DTNB: variants seen among roughly 807,000 people sequenced by gnomAD.
DTNB encodes the protein dystrobrevin beta, also known as DTN-B.
Under a neutral mutation model 90.7 loss-of-function variants are expected in DTNB, and 63 were observed. The ratio of observed to expected loss-of-function variants is 0.69; its 90% CI spans 0.57 to 0.86. The LOEUF is 0.86. Among genes scored for constraint, DTNB ranks in the 40% least tolerant of loss-of-function variants. The pLI is 0.00. For missense variants in DTNB, 744 were observed against 807.1 expected, an observed-to-expected ratio of 0.92 and a Z score of 0.95; for synonymous variants, 277 against 286.7, an observed-to-expected ratio of 0.97 and a Z score of 0.34.
At chr2:25,650,331 T>C in intron 2 of DTNB, 1 of 711,778 alleles carries the variant, frequency 1.4e-6, no homozygotes, top group Non-Finnish European at 1.7e-6. Flanking sequence ...GCACCCAGAA[T>C]AGTGCCTGGA....
chr2:25,447,663 C>G lies in DTNB; in HGVS notation c.1257+3885G>C, dbSNP rs547091156. On this transcript the variant is annotated intron_variant, in intron 12 of 20. Transcript: ENST00000406818. Reference sequence around the variant, plus strand: ...GGGATTACAGGCGTATGCCACCACACCTGGCTAATTTTTTTTTGTATTTTT... The same window carrying G: ...GGGATTACAGGCGTATGCCACCACAGCTGGCTAATTTTTTTTTGTATTTTT... Among the ~76,000 whole-genome samples the G allele has an allele frequency of 1.2e-4, 19 of 152,054 alleles. No homozygotes were observed. The South Asian group carries it at 3.9e-3, about 32-fold the overall frequency.
chr2:25,578,826 G>A (rs138040469), intron 7 of DTNB, among the ~76,000 whole-genome samples: 2 of 152,132 alleles, frequency 1.3e-5, no homozygotes, highest in East Asian at 1.9e-4. Flanking sequence ...CTTATGCATA[G>A]TAATGTCAAT....
chr2:25,527,841 C>A (rs1445742206), intron 9 of DTNB, among the ~76,000 whole-genome samples: 2 of 152,046 alleles, frequency 1.3e-5, no homozygotes, highest in African/African-American at 4.8e-5. Context: ...AGAAAATAAC[C>A]CTTCCAAATC....
chr2:25,648,902 C>T (rs1294252492), intron 2 of DTNB, among the ~76,000 whole-genome samples: 1 of 151,370 alleles, frequency 6.6e-6, no homozygotes, highest in African/African-American at 2.4e-5. Context: ...CCAATCATCA[C>T]TCTTAACAGT....
chr2:25,669,548 C>A (rs1302785148), intron 1 of DTNB, among the ~76,000 whole-genome samples: 2 of 152,134 alleles, frequency 1.3e-5, no homozygotes, highest in African/African-American at 2.4e-5. Flanking sequence ...ATGGTATATA[C>A]AACCAAATAC....
chr2:25,583,261 A>AT (rs2061828963), intron 6 of DTNB, among the ~76,000 whole-genome samples: 65 of 143,654 alleles, frequency 4.5e-4, no homozygotes, highest in African/African-American at 1.3e-3. Context: ...AAAAAAAAAA[A>AT]AATATATATA....
intron 6 of DTNB, among the ~76,000 whole-genome samples, chr2:25,591,693 T>C (rs1181939594): frequency 2.0e-5 from 3 of 152,066 alleles, no homozygotes; most frequent in Non-Finnish European, 4.4e-5. Flanking sequence ...ATAATCACAA[T>C]CACAAATTTG....
chr2:25,395,397 TAA>T (rs1165879264), intron 16 of DTNB, among the ~76,000 whole-genome samples: 2 of 151,892 alleles, frequency 1.3e-5, no homozygotes, highest in African/African-American at 4.8e-5. Flanking sequence ...TTAAAAAATT[TAA>T]AAGTTTATGT....
intron 16 of DTNB, among the ~76,000 whole-genome samples, chr2:25,392,136 C>T (rs1377124173): frequency 2.0e-5 from 3 of 152,112 alleles, no homozygotes; most frequent in South Asian, 2.1e-4. Context: ...AGGCCAGGCA[C>T]GGTGGCTCAC....
In DTNB at chr2:25,387,887, C is replaced by T. The variant is rs1220841626; in HGVS notation, c.1735+315G>A. On this transcript the variant is annotated intron_variant, in intron 17 of 20. Transcript: ENST00000406818. This position sits in a 1 kb window ranked among gnomAD's most constrained non-coding sequence, Gnocchi z 4.5. ...GTGCCTGTTACAGTCCCTTCTAGGC[C>T]AGGGAATTATTCCATCCAATTCCTC... Among the ~76,000 whole-genome samples, 1 of 152,254 alleles carries T rather than the reference C, an allele frequency of 6.6e-6. No homozygotes were observed. Among genetic ancestry groups the T allele is most frequent in the Non-Finnish European group, 1.5e-5 (1 of 68,040 alleles).
chr2:25,383,879 A>T lies in DTNB; in HGVS notation c.1836T>A (p.Gly612=), dbSNP rs1373817001. The change falls in exon 19 of 21, where the codon GGT becomes GGA. Residue 612 remains glycine (G), a synonymous_variant. Transcript: ENST00000406818. ...GCATCTTCTCTTCTTCTTCCTCTGC[A>T]CCTTCCTCTGCTGTGAAAACAAGTC... ...LVKELHSAEE[G]AEEEEEKMQN... is the part of the protein sequence containing the mutation. 1 of 1,613,910 alleles carries T rather than the reference A, an allele frequency of 6.2e-7. No homozygotes were observed. Among genetic ancestry groups the T allele is most frequent in the Non-Finnish European group, 8.5e-7 (1 of 1,179,878 alleles).
At chr2:25,553,005 C>T (rs1257112857) in intron 8 of DTNB, among the ~76,000 whole-genome samples, 3 of 150,904 alleles carry the variant, frequency 2.0e-5, no homozygotes, top group Non-Finnish European at 3.0e-5. Context: ...GGACTACAGG[C>T]GCCCGCCACC....
At chr2:25,544,013 C>T (rs1238765129) in intron 8 of DTNB, among the ~76,000 whole-genome samples, 1 of 152,176 alleles carries the variant, frequency 6.6e-6, no homozygotes, top group Non-Finnish European at 1.5e-5. Context: ...AGCCCCTCAA[C>T]AGGTAAAATT....
At chr2:25,522,701 CTTT>C (rs201567111) in intron 9 of DTNB, among the ~76,000 whole-genome samples, 5 of 133,446 alleles carry the variant, frequency 3.7e-5, no homozygotes, top group Admixed American at 1.5e-4. Context: ...AAACTGAGGT[CTTT>C]TTTTTTTTTT....
At chr2:25,517,884 G>A (rs1221703822) in intron 9 of DTNB, among the ~76,000 whole-genome samples, 1 of 152,108 alleles carries the variant, frequency 6.6e-6, no homozygotes, top group Non-Finnish European at 1.5e-5. Flanking sequence ...AGAAAGGAAG[G>A]AAATCCTGTC....
chr2:25,488,590 G>A (rs1048759059), intron 9 of DTNB, among the ~76,000 whole-genome samples: 6 of 152,206 alleles, frequency 3.9e-5, no homozygotes, highest in Non-Finnish European at 8.8e-5. Flanking sequence ...GAAAATACAT[G>A]AGTGTCATTA....
At chr2:25,608,347 C>T (rs1432790684) in intron 4 of DTNB, among the ~76,000 whole-genome samples, 2 of 152,128 alleles carry the variant, frequency 1.3e-5, no homozygotes, top group African/African-American at 2.4e-5. Flanking sequence ...GGCAAATAGC[C>T]TATACGCTAG....
At chr2:25,482,318 C>G (rs1401547022) in intron 10 of DTNB, among the ~76,000 whole-genome samples, 1 of 152,174 alleles carries the variant, frequency 6.6e-6, no homozygotes. Flanking sequence ...GAGAGAGACT[C>G]AGGCTTTCCA....
intron 6 of DTNB, among the ~76,000 whole-genome samples, chr2:25,586,462 A>C (rs2062430282): frequency 6.8e-6 from 1 of 147,134 alleles, no homozygotes; most frequent in Non-Finnish European, 1.5e-5. Context: ...GTGAGTCGAG[A>C]TTGCGCCACT....
Sources: allele counts gnomAD v4.1 joint callset (sites outside exome capture counted in the v4.1 genomes callset), GRCh38; gene constraint gnomAD v4.1.1; non-coding constraint Gnocchi (gnomAD v3.1); transcripts MANE v1.5; gene names NCBI Gene and HGNC (gene_info 2026-07-23, HGNC 2026-07-21).